MAPK10: variants seen among roughly 807,000 people sequenced by gnomAD.
The protein encoded by MAPK10 is JNK3 alpha protein kinase.
MAPK10 carries 25 observed loss-of-function variants against 59.3 expected under a neutral mutation model. That is an observed-to-expected ratio of 0.42 (90% confidence interval 0.31 to 0.59). The LOEUF (loss-of-function observed/expected upper bound fraction) is 0.59, where lower values mean the gene tolerates loss of function less well. MAPK10 is among the 20% of genes least tolerant of loss of function. The pLI, the probability that MAPK10 is intolerant of heterozygous loss-of-function variation, is 0.15. For missense variants in MAPK10, 351 were observed against 568.9 expected (o/e 0.62, Z 3.90); for synonymous variants, 190 against 200.5 (o/e 0.95, Z 0.44).
chr4:86,494,971 A>G (rs903876530), intron 1 of MAPK10, among the ~76,000 whole-genome samples: 4 of 149,564 alleles, frequency 2.7e-5, no homozygotes, highest in Non-Finnish European at 4.4e-5. Context: ...GGATAACCCG[A>G]GCTTATTTCA....
intron 2 of MAPK10, among the ~76,000 whole-genome samples, chr4:86,349,358 G>T (rs1286209472): frequency 6.6e-6 from 1 of 152,066 alleles, no homozygotes; most frequent in Non-Finnish European, 1.5e-5. Flanking sequence ...TCCTGCTTCT[G>T]CTTCTTTCTG....
chr4:86,301,060 TG>T (rs2148845704), intron 2 of MAPK10, among the ~76,000 whole-genome samples: 1 of 152,226 alleles, frequency 6.6e-6, no homozygotes, highest in East Asian at 1.9e-4. Context: ...GTCTTTGTTG[TG>T]GGGGCTCTCC....
chr4:86,096,639 G>T (rs1393644875), intron 9 of MAPK10, among the ~76,000 whole-genome samples: 1 of 151,810 alleles, frequency 6.6e-6, no homozygotes, highest in African/African-American at 2.4e-5. Flanking sequence ...TTGATTGAGA[G>T]GTTCCTTTTT....
At position 86,423,768 on chromosome 4, in the gene MAPK10, TAC is replaced by T. The variant is rs1491414629; in HGVS notation, c.-122+29260_-122+29261del. Among the ~76,000 whole-genome samples the T allele has an allele frequency of 5.0e-3, 281 of 56,038 alleles. 6 individuals are homozygous for T. The highest frequency in any genetic ancestry group is 6.3e-3 in the Admixed American group (29 of 4,596). 36.8% of individuals were successfully genotyped at this position (56,038 alleles called of 152,430 possible). Reference sequence around the variant, plus strand: ...ATATAAGTAATTAGTGGGATATATATACATATATATATATATATATATATATA... The same window carrying T: ...ATATAAGTAATTAGTGGGATATATATATATATATATATATATATATATATA... On this transcript the variant is annotated intron_variant, in intron 1 of 13. Coordinates refer to the MAPK10 transcript ENST00000361569.
intron 3 of MAPK10, among the ~76,000 whole-genome samples, chr4:86,162,089 G>C (rs1273643280): frequency 6.6e-6 from 1 of 151,670 alleles, no homozygotes; most frequent in Non-Finnish European, 1.5e-5. Flanking sequence ...CCAAATACTA[G>C]GTTTGGCACT....
At chr4:86,547,954 C>G (rs962690921) in intron 1 of MAPK10, among the ~76,000 whole-genome samples, 2 of 152,116 alleles carry the variant, frequency 1.3e-5, no homozygotes, top group African/African-American at 2.4e-5. Flanking sequence ...ACAGACCACT[C>G]GGCTCTACCA....
In MAPK10 at chr4:86,344,637, G is replaced by A. The variant is rs574041452; in HGVS notation, c.-7+9893C>T. 2.6e-5 allele frequency among the ~76,000 whole-genome samples: 4 copies of A among 152,006 alleles called. No homozygotes were observed. In the South Asian group the frequency reaches 8.3e-4, roughly 32 times the overall value. The stretch of plus-strand genomic sequence containing the variant: ...AGAAGTGAGGGAGTGAGGGAGGGAG[G>A]AAGGAAGGGAAGCAGGGAATATGAG... On this transcript the variant is annotated intron_variant, in intron 2 of 13. Transcript: ENST00000641462.
chr4:86,393,335 GT>G (rs112022296), intron 1 of MAPK10, among the ~76,000 whole-genome samples: 5,262 of 143,416 alleles, frequency 0.037, 136 homozygotes, highest in African/African-American at 0.065. Flanking sequence ...CAATGATCTA[GT>G]TTTTTTTTTT....
chr4:86,421,099 A>T (rs1362543755), intron 1 of MAPK10, among the ~76,000 whole-genome samples: 1 of 151,878 alleles, frequency 6.6e-6, no homozygotes, highest in East Asian at 1.9e-4. Flanking sequence ...AAAAAAAAAA[A>T]TTTACATATA....
At chr4:86,342,927 A>G (rs866956969) in intron 2 of MAPK10, among the ~76,000 whole-genome samples, 1 of 152,206 alleles carries the variant, frequency 6.6e-6, no homozygotes, top group Non-Finnish European at 1.5e-5. Context: ...CAGTTTAGAA[A>G]AAAAGGAGAG....
chr4:86,555,704 A>C (rs1760211866), intron 1 of MAPK10, among the ~76,000 whole-genome samples: 1 of 152,162 alleles, frequency 6.6e-6, no homozygotes, highest in Non-Finnish European at 1.5e-5. Context: ...TGGTTATTTA[A>C]ATAAATATAA....
At chr4:86,281,731 A>C (rs2094816850) in intron 2 of MAPK10, among the ~76,000 whole-genome samples, 1 of 152,008 alleles carries the variant, frequency 6.6e-6, no homozygotes, top group African/African-American at 2.4e-5. Flanking sequence ...GGAATGTCCC[A>C]TTTGCCCAGA....
At position 86,029,252 on chromosome 4, in the gene MAPK10, C is replaced by T; in HGVS notation, c.1197G>A (p.Met399Ile). 1 of 1,609,884 alleles carries T rather than the reference C, an allele frequency of 6.2e-7. No homozygotes were observed. The highest frequency in any genetic ancestry group is 8.5e-7 in the Non-Finnish European group (1 of 1,176,656). The change falls in exon 13 of 14, where the codon ATG becomes ATA. Residue 399 changes from methionine (M) to isoleucine (I), a missense_variant. Met to Ile is a conservative substitution (Grantham distance 10, BLOSUM62 1). This residue lies in a region of MAPK10 where 155 missense variants were observed against 204.2 expected (regional missense o/e 0.76). Coordinates refer to ENST00000641462, the MANE Select transcript of MAPK10 (RefSeq NM_138982.4). The stretch of plus-strand genomic sequence containing the variant: ...CATTTTTAGTCTTTTCTTCTGAATT[C>T]ATTACTTCCTTGTAGATAAGTTCTG... Reference protein sequence around the residue: ...EWKELIYKEVMNSEEKTKNGV... With the variant: ...EWKELIYKEVINSEEKTKNGV...
At chr4:86,239,789 C>CG (rs2092584198) in intron 2 of MAPK10, among the ~76,000 whole-genome samples, 1 of 130,272 alleles carries the variant, frequency 7.7e-6, no homozygotes, top group African/African-American at 2.7e-5. Flanking sequence ...TTAATTTTTT[C>CG]AAAAAAAAAA....
intron 1 of MAPK10, among the ~76,000 whole-genome samples, chr4:86,402,233 A>C (rs538719206): frequency 7.2e-5 from 11 of 152,292 alleles, no homozygotes; most frequent in African/African-American, 2.6e-4. Flanking sequence ...CACAAAGGAA[A>C]GCAGAATTGA....
chr4:86,140,212 T>C (rs887071508), intron 4 of MAPK10, among the ~76,000 whole-genome samples: 1 of 141,182 alleles, frequency 7.1e-6, no homozygotes, highest in African/African-American at 2.9e-5. Context: ...TAAATCATGC[T>C]GCTATAAAGA....
chr4:86,071,055 T>C (rs1241881558), intron 9 of MAPK10, among the ~76,000 whole-genome samples: 55 of 151,606 alleles, frequency 3.6e-4, no homozygotes, highest in Admixed American at 3.5e-3. Context: ...CAGCACCTGT[T>C]GTTTCCTGAC....
chr4:86,297,032 G>A (rs1490017205), intron 2 of MAPK10, among the ~76,000 whole-genome samples: 1 of 152,162 alleles, frequency 6.6e-6, no homozygotes, highest in East Asian at 1.9e-4. Context: ...CAGAGGTTCT[G>A]ACTGGTAGGT....
intron 2 of MAPK10, among the ~76,000 whole-genome samples, chr4:86,289,266 T>C (rs180733256): frequency 4.6e-5 from 7 of 152,246 alleles, no homozygotes; most frequent in Non-Finnish European, 8.8e-5. Flanking sequence ...GCAGAAAAGG[T>C]AGCCAGGGGC....
Sources: allele counts gnomAD v4.1 joint callset (sites outside exome capture counted in the v4.1 genomes callset), GRCh38; gene constraint gnomAD v4.1.1; regional missense constraint gnomAD v4.1.1; transcripts MANE v1.5; gene names NCBI Gene and HGNC (gene_info 2026-07-23, HGNC 2026-07-21).